Variants in SUGCT observed in about 807,000 individuals in gnomAD.
The protein encoded by SUGCT is succinyl-CoA:glutarate-CoA transferase, also known as succinyl-CoA:glutarate CoA-transferase.
A neutral mutation model predicts 55.0 loss-of-function variants in SUGCT; 41 were observed. The ratio of observed to expected loss-of-function variants is 0.74; its 90% confidence interval spans 0.58 to 0.97. The LOEUF is 0.97. Ranked by LOEUF, SUGCT falls within the 50% of genes least tolerant of loss-of-function variation. The pLI, the probability that SUGCT is intolerant of heterozygous loss-of-function variation, is 0.00. For synonymous variants in SUGCT, 187 were observed against 200.4 expected (o/e 0.93, Z 0.56); for missense variants, 568 against 547.8 (o/e 1.04, Z -0.37).
intron 7 of SUGCT, among the ~76,000 whole-genome samples, chr7:40,246,055 G>A (rs1282262620): frequency 6.6e-6 from 1 of 151,870 alleles, no homozygotes; most frequent in East Asian, 1.9e-4. Flanking sequence ...GGCTGGGTTC[G>A]ATTATTATTA....
chr7:40,677,504 T>C (rs954339576), intron 12 of SUGCT, among the ~76,000 whole-genome samples: 13 of 152,292 alleles, frequency 8.5e-5, no homozygotes, highest in Middle Eastern at 3.4e-3. Flanking sequence ...GTAAGATAGC[T>C]ACCTCAACCC....
intron 12 of SUGCT, among the ~76,000 whole-genome samples, chr7:40,742,564 CA>C (rs1286582686): frequency 1.3e-5 from 2 of 152,120 alleles, no homozygotes; most frequent in Non-Finnish European, 2.9e-5. Flanking sequence ...AGGCGGAGCT[CA>C]AGCTGTAATG....
chr7:41,014,076 A>C, the SUGCT span, among the ~76,000 whole-genome samples: 1 of 152,200 alleles, frequency 6.6e-6, no homozygotes. Flanking sequence ...GATTCTTAAA[A>C]TAGTGTGTCA....
intron 12 of SUGCT, among the ~76,000 whole-genome samples, chr7:40,688,998 G>A (rs1209170848): frequency 6.6e-6 from 1 of 152,168 alleles, no homozygotes; most frequent in African/African-American, 2.4e-5. Context: ...GTGGAGTGGA[G>A]CAAATATGGT....
intron 1 of SUGCT, among the ~76,000 whole-genome samples, chr7:40,152,202 A>C (rs1240596933): frequency 6.6e-6 from 1 of 152,202 alleles, no homozygotes; most frequent in Non-Finnish European, 1.5e-5. Context: ...AGTTTTACAA[A>C]GGCAGTCTGG....
chr7:40,541,519 C>G (rs1370506079), intron 12 of SUGCT, among the ~76,000 whole-genome samples: 1 of 152,076 alleles, frequency 6.6e-6, no homozygotes, highest in African/African-American at 2.4e-5. Flanking sequence ...GGGCAGTAAG[C>G]ATTATGCAAT....
chr7:41,008,613 C>T, the SUGCT span, among the ~76,000 whole-genome samples: 1 of 151,958 alleles, frequency 6.6e-6, no homozygotes, highest in Admixed American at 6.6e-5. Flanking sequence ...CTCAAGGCTC[C>T]ACATCTTCCA....
intron 7 of SUGCT, among the ~76,000 whole-genome samples, chr7:40,245,259 G>C (rs557166905): frequency 2.0e-5 from 3 of 148,238 alleles, no homozygotes; most frequent in Non-Finnish European, 3.0e-5. Context: ...GGGTTTCACC[G>C]TGTTGGCCAG....
rs1211839641 is a variant in SUGCT at position 40,394,653 on chromosome 7, A to G, written c.817-54634A>G. ...TTATTCCTTCTAACTAAAATTTTGT[A>G]TCTTTTGACCAGCATCTCCCCAGTG... is the stretch of plus-strand genomic sequence containing the variant. On this transcript the variant is annotated intron_variant, in intron 9 of 13. Coordinates refer to ENST00000335693, the MANE Select transcript of SUGCT (RefSeq NM_001193313.2). Among the ~76,000 whole-genome samples the G allele has an allele frequency of 5.3e-5, 8 of 152,288 alleles. No homozygotes were observed. In the East Asian group the frequency reaches 1.2e-3, roughly 22 times the overall value.
chr7:40,737,360 T>G (rs1355575467), intron 12 of SUGCT, among the ~76,000 whole-genome samples: 2 of 152,256 alleles, frequency 1.3e-5, no homozygotes, highest in Admixed American at 6.5e-5. Flanking sequence ...GAAGTTTTAC[T>G]GTGCCTAACA....
At chr7:40,491,261 G>A (rs995132844) in intron 11 of SUGCT, among the ~76,000 whole-genome samples, 1 of 152,188 alleles carries the variant, frequency 6.6e-6, no homozygotes, top group Non-Finnish European at 1.5e-5. Context: ...GAGGCAATAT[G>A]TTTTTAACCA....
At chr7:40,339,452 C>T (rs563701687) in intron 9 of SUGCT, among the ~76,000 whole-genome samples, 27 of 152,260 alleles carry the variant, frequency 1.8e-4, no homozygotes, top group African/African-American at 6.5e-4. Flanking sequence ...ATGGTGGGCG[C>T]CCCTCTCCTA....
chr7:40,657,978 C>T (rs772765003), intron 12 of SUGCT, among the ~76,000 whole-genome samples: 3 of 152,156 alleles, frequency 2.0e-5, no homozygotes, highest in Non-Finnish European at 4.4e-5. Flanking sequence ...TGATCCATGA[C>T]ACAACAGTAC....
intron 1 of SUGCT, among the ~76,000 whole-genome samples, chr7:40,148,585 A>T (rs772656290): frequency 7.9e-5 from 12 of 152,230 alleles, no homozygotes; most frequent in Non-Finnish European, 1.0e-4. Flanking sequence ...CAGAGTTTGC[A>T]GTGAGCCGAG....
intron 9 of SUGCT, among the ~76,000 whole-genome samples, chr7:40,334,167 T>G (rs534474046): frequency 3.9e-5 from 6 of 152,312 alleles, no homozygotes; most frequent in Admixed American, 2.0e-4. Context: ...GACCTTTGGG[T>G]TGGTTCCAAG....
the SUGCT span, among the ~76,000 whole-genome samples, chr7:40,872,748 G>A: frequency 3.3e-3 from 506 of 152,344 alleles, 2 homozygotes; most frequent in African/African-American, 0.011. Context: ...CTTTAAATGA[G>A]GAATTAACTG....
chr7:40,787,660 C>CAAAAAAAAAAAAAAAAAAAAAAA (rs55764379), intron 13 of SUGCT, among the ~76,000 whole-genome samples: 3 of 48,416 alleles, frequency 6.2e-5, no homozygotes, highest in Non-Finnish European at 8.3e-5. Context: ...AAATTTTGAC[C>CAAAAAAAAAAAAAAAAAAAAAAA]AAAAAAAAAA....
At chr7:40,843,079 T>C (rs1793356825) in intron 13 of SUGCT, among the ~76,000 whole-genome samples, 1 of 152,224 alleles carries the variant, frequency 6.6e-6, no homozygotes, top group Admixed American at 6.5e-5. Flanking sequence ...CAAAGATCTC[T>C]ACCATTATAA....
the SUGCT span, among the ~76,000 whole-genome samples, chr7:40,994,088 A>G: frequency 6.6e-6 from 1 of 152,160 alleles, no homozygotes; most frequent in Admixed American, 6.5e-5. Context: ...AGTGACAACT[A>G]CTCAGGAAAT....
Sources: gnomAD v4.1 joint callset for allele counts (sites outside exome capture counted in the v4.1 genomes callset) on GRCh38, gnomAD v4.1.1 for gene constraint, MANE v1.5 for transcripts, NCBI Gene and HGNC (gene_info 2026-07-23, HGNC 2026-07-21) for gene names.